Variants in RIMBP2 observed in about 807,000 individuals in gnomAD.
The protein encoded by RIMBP2 is RIMS-binding protein 2.
RIMBP2 carries 48 observed loss-of-function variants against 118.6 expected under a neutral mutation model. The ratio of observed to expected loss-of-function variants is 0.40; its 90% CI spans 0.32 to 0.51. The LOEUF (loss-of-function observed/expected upper bound fraction) is 0.51, where lower values mean the gene tolerates loss of function less well. Among genes scored for constraint, RIMBP2 ranks in the 20% least tolerant of loss-of-function variants. RIMBP2 has a pLI of 0.41. For synonymous variants in RIMBP2, 762 were observed against 742.9 expected, an observed-to-expected ratio of 1.03 and a Z score of -0.42; for missense variants, 1,551 against 1,768.3, an observed-to-expected ratio of 0.88 and a Z score of 2.20.
intron 2 of RIMBP2, among the ~76,000 whole-genome samples, chr12:130,526,996 C>A (rs1046095033): frequency 2.0e-5 from 3 of 152,000 alleles, no homozygotes; most frequent in African/African-American, 7.3e-5. Context: ...GGGTGGAAGG[C>A]GAGTGGTTGC....
Position 130,523,094 on chromosome 12 carries a change from C to G in RIMBP2, c.-216-5177G>C, listed in dbSNP as rs2052342860. ...TGTCTCTGTCTCCACGTCTCTGTTT[C>G]TCTGCTTCTTCTGTCTCTCCCAGTC... is the stretch of plus-strand genomic sequence containing the variant. On this transcript the variant is annotated intron_variant, in intron 2 of 22. Coordinates refer to ENST00000690449, the MANE Select transcript of RIMBP2 (RefSeq NM_001393629.1). This position sits in a 1 kb window ranked among gnomAD's most constrained non-coding sequence, Gnocchi z 4.4. 6.6e-6 allele frequency among the ~76,000 whole-genome samples: 1 copy of G among 151,950 alleles called. No individual in the cohort carries two copies. Among genetic ancestry groups the G allele is most frequent in the Middle Eastern group, 3.2e-3 (1 of 316 alleles).
intron 1 of RIMBP2, among the ~76,000 whole-genome samples, chr12:130,646,087 T>C (rs199849081): frequency 0.19 from 11,275 of 59,502 alleles, 783 homozygotes; most frequent in East Asian, 0.41. Context: ...CCCTCACCAC[T>C]TCCCTCTCCA....
intron 2 of RIMBP2, among the ~76,000 whole-genome samples, chr12:130,579,179 G>A (rs914483321): frequency 6.6e-6 from 1 of 152,252 alleles, no homozygotes; most frequent in Non-Finnish European, 1.5e-5. Context: ...TTGCAAGCCC[G>A]GCTGGTTGTG....
intron 2 of RIMBP2, among the ~76,000 whole-genome samples, chr12:130,571,306 G>A (rs749105897): frequency 1.3e-5 from 2 of 152,050 alleles, no homozygotes; most frequent in Non-Finnish European, 2.9e-5. Context: ...ACCCTGGCAG[G>A]TCTAGGAACT....
At chr12:130,481,934 GCCA>G (rs147481238) in intron 4 of RIMBP2, among the ~76,000 whole-genome samples, 73,778 of 145,890 alleles carry the variant, frequency 0.51, 20,504 homozygotes, top group Non-Finnish European at 0.62. Context: ...CCCCCAAGCC[GCCA>G]CCACCACCAC....
intron 2 of RIMBP2, among the ~76,000 whole-genome samples, chr12:130,589,051 G>A (rs12818972): frequency 0.36 from 54,970 of 152,174 alleles, 11,859 homozygotes; most frequent in Admixed American, 0.52. Context: ...AAGAGAAGTC[G>A]GAGACTGTGT....
intron 4 of RIMBP2, among the ~76,000 whole-genome samples, chr12:130,505,418 C>T (rs1482182757): frequency 2.0e-5 from 3 of 151,768 alleles, no homozygotes; most frequent in African/African-American, 7.3e-5. Flanking sequence ...ACATTTTCAT[C>T]ACTCCAAAAA....
chr12:130,438,911 C>T (rs931324618), intron 11 of RIMBP2, among the ~76,000 whole-genome samples: 1 of 152,116 alleles, frequency 6.6e-6, no homozygotes, highest in Non-Finnish European at 1.5e-5. Context: ...GAGACGCCGG[C>T]GTTTGGCAGA....
intron 4 of RIMBP2, among the ~76,000 whole-genome samples, chr12:130,490,007 C>A (rs1243212907): frequency 1.3e-5 from 2 of 151,706 alleles, no homozygotes; most frequent in Non-Finnish European, 2.9e-5. Flanking sequence ...ACCTGTAGTT[C>A]CAGCTATTCG....
chr12:130,647,886 G>A (rs1594139930), intron 1 of RIMBP2, among the ~76,000 whole-genome samples: 2 of 145,844 alleles, frequency 1.4e-5, no homozygotes, highest in East Asian at 3.9e-4. Flanking sequence ...GGTTCTCCCC[G>A]CTAGACGCCC....
chr12:130,597,020 C>T (rs2059601557), intron 2 of RIMBP2, among the ~76,000 whole-genome samples: 1 of 152,142 alleles, frequency 6.6e-6, no homozygotes, highest in African/African-American at 2.4e-5. Flanking sequence ...TATTTGTGGA[C>T]AAATTAATAC....
In RIMBP2 at chr12:130,475,898, C is replaced by T. The variant is rs1486509854; in HGVS notation, c.102+3014G>A. 6.6e-6 allele frequency among the ~76,000 whole-genome samples: 1 copy of T among 151,988 alleles called. No individual in the cohort carries two copies. Among genetic ancestry groups the T allele is most frequent in the Non-Finnish European group, 1.5e-5 (1 of 68,016 alleles). ...GTGTGGGACGTGGCGTCCGAGGCCC[C>T]CCAAGCAGTGGTGTCAAGCAGAGGG... On this transcript the variant is annotated intron_variant, in intron 5 of 22. Coordinates refer to ENST00000690449, the MANE Select transcript of RIMBP2 (RefSeq NM_001393629.1). This position sits in a 1 kb window ranked among gnomAD's most constrained non-coding sequence, Gnocchi z 4.1.
intron 2 of RIMBP2, among the ~76,000 whole-genome samples, chr12:130,526,705 T>G (rs2052824167): frequency 1.3e-5 from 2 of 152,308 alleles, no homozygotes; most frequent in African/African-American, 4.8e-5. Flanking sequence ...ATAACCATAT[T>G]ATGCTCAAAC....
At chr12:130,473,468 T>C (rs2081180969) in intron 5 of RIMBP2, among the ~76,000 whole-genome samples, 1 of 152,290 alleles carries the variant, frequency 6.6e-6, no homozygotes, top group South Asian at 2.1e-4. Context: ...GGAGGGCAGA[T>C]TCCCTGTGGC....
At position 130,450,881 on chromosome 12, in the gene RIMBP2, C is replaced by T. The variant is rs769403064; in HGVS notation, c.504+314G>A. Among the ~76,000 whole-genome samples the T allele has an allele frequency of 1.4e-4, 21 of 152,312 alleles. No individual in the cohort carries two copies. The highest frequency in any genetic ancestry group is 2.8e-4 in the Non-Finnish European group (19 of 68,034). On this transcript the variant is annotated intron_variant, in intron 8 of 22. Coordinates refer to ENST00000690449, the MANE Select transcript of RIMBP2 (RefSeq NM_001393629.1). This position sits in a 1 kb window ranked among gnomAD's most constrained non-coding sequence, Gnocchi z 4.8. ...CTCCCCAACCTCCACAGGCCCCTCC[C>T]GGCCAGCTCTGCGTCAACAGCCTTG...
intron 7 of RIMBP2, among the ~76,000 whole-genome samples, chr12:130,451,963 G>A (rs1291405225): frequency 2.6e-5 from 4 of 152,216 alleles, no homozygotes; most frequent in African/African-American, 9.7e-5. Flanking sequence ...AGATTTGCAA[G>A]GGCTGAAATA....
intron 1 of RIMBP2, among the ~76,000 whole-genome samples, chr12:130,686,154 G>A (rs1164810008): frequency 6.6e-6 from 1 of 152,184 alleles, no homozygotes; most frequent in African/African-American, 2.4e-5. Flanking sequence ...GGCAGTCACG[G>A]CCAGAGCCCT....
At chr12:130,526,200 G>A (rs972558168) in intron 2 of RIMBP2, among the ~76,000 whole-genome samples, 4 of 152,132 alleles carry the variant, frequency 2.6e-5, no homozygotes, top group Non-Finnish European at 4.4e-5. Flanking sequence ...TTAGTTCCAT[G>A]AAATCTAAAA....
At chr12:130,667,261 G>A (rs1392043300) in intron 1 of RIMBP2, 3 of 151,906 alleles carry the variant, frequency 2.0e-5, no homozygotes, top group East Asian at 3.9e-4. Context: ...AAGGAGGGAG[G>A]GAGAAGAGAG....
Sources: gnomAD v4.1 joint callset for allele counts (sites outside exome capture counted in the v4.1 genomes callset) on GRCh38, gnomAD v4.1.1 for gene constraint, Gnocchi (gnomAD v3.1) non-coding constraint, MANE v1.5 for transcripts, NCBI Gene and HGNC (gene_info 2026-07-23, HGNC 2026-07-21) for gene names.